The following ZNF736 variants were observed in gnomAD, a reference collection of about 807,000 sequenced individuals.
The protein encoded by ZNF736 is KRAB-containing zinc-finger repressor protein.
A neutral mutation model predicts 11.7 loss-of-function variants in ZNF736; 6 were observed. The observed-to-expected ratio is 0.51, with a 90% CI of 0.28 to 1.01. The LOEUF is 1.01. ZNF736 is among the 50% of genes least tolerant of loss of function. ZNF736 has a pLI of 0.09. For missense variants in ZNF736, 444 were observed against 496.0 expected, an observed-to-expected ratio of 0.90 and a Z score of 1.00; for synonymous variants, 139 against 164.7, an observed-to-expected ratio of 0.84 and a Z score of 1.19.
chr7:64,330,324 T>G (rs1584269193), intron 1 of ZNF736, among the ~76,000 whole-genome samples: 4 of 151,922 alleles, frequency 2.6e-5, no homozygotes, highest in Non-Finnish European at 4.4e-5. Context: ...GCCGGCTAAT[T>G]TTTTTGTATT....
chr7:64,318,845 G>A (rs1788954346), intron 1 of ZNF736, among the ~76,000 whole-genome samples: 1 of 152,112 alleles, frequency 6.6e-6, no homozygotes, highest in Non-Finnish European at 1.5e-5. Flanking sequence ...CATTGTAAAA[G>A]GGAGTAGAGC....
In ZNF736 at chr7:64,348,993, C is replaced by T. The variant is rs772952810; in HGVS notation, c.1130C>T (p.Thr377Ile). 8 of 1,590,644 alleles carry T rather than the reference C, an allele frequency of 5.0e-6. No individual in the cohort carries two copies. The East Asian group carries it at 1.4e-4, about 27-fold the overall frequency. ...RPYKCEECSK[T>I]FKCFSDLTNH... The stretch of plus-strand genomic sequence containing the variant: ...TACAAATGTGAAGAATGCAGCAAAA[C>T]CTTTAAGTGCTTCTCAGACCTGACT... Residue 377 changes from threonine (T) to isoleucine (I), a missense_variant, in exon 4 of 4, where the codon ACC becomes ATC. Physicochemically the swap from Thr to Ile is moderately conservative, Grantham distance 89 (BLOSUM62 -1). Coordinates refer to ENST00000423484, the MANE Select transcript of ZNF736 (RefSeq NM_001170905.3).
intron 3 of ZNF736, 112 bp from the exon 4 acceptor site, chr7:64,347,978 A>G: frequency 1.0e-6 from 1 of 980,202 alleles, no homozygotes; most frequent in Non-Finnish European, 1.4e-6. Context: ...CTATAAGAAT[A>G]TAGAGCCTGT....
At chr7:64,336,177 A>T (rs926239964) in intron 1 of ZNF736, 82 bp from the exon 2 acceptor site, 22 of 1,495,160 alleles carry the variant, frequency 1.5e-5, no homozygotes, top group Non-Finnish European at 1.7e-5. Flanking sequence ...AGTCAGAACC[A>T]GCTATCTTTA....
chr7:64,315,765 A>G (rs1162617593), intron 1 of ZNF736, among the ~76,000 whole-genome samples: 1 of 152,216 alleles, frequency 6.6e-6, no homozygotes, highest in Admixed American at 6.5e-5. Flanking sequence ...GGGACTGTAT[A>G]AAATTCTAAA....
intron 3 of ZNF736, among the ~76,000 whole-genome samples, chr7:64,342,704 T>C (rs945292003): frequency 2.0e-5 from 3 of 152,124 alleles, no homozygotes; most frequent in Admixed American, 6.5e-5. Context: ...TCTGAAGTAA[T>C]GTGCTCAAAT....
intron 1 of ZNF736, among the ~76,000 whole-genome samples, chr7:64,329,613 ATCTC>A (rs760750110): frequency 2.0e-5 from 3 of 151,678 alleles, no homozygotes; most frequent in African/African-American, 4.8e-5. Context: ...AATAAATGGA[ATCTC>A]TCTCTCTCTG....
At chr7:64,337,764 T>TG (rs1789279432) in intron 3 of ZNF736, among the ~76,000 whole-genome samples, 1 of 146,414 alleles carries the variant, frequency 6.8e-6, no homozygotes, top group Admixed American at 6.8e-5. Flanking sequence ...TGGTTTTTTT[T>TG]TTTTTTTGAG....
intron 3 of ZNF736, among the ~76,000 whole-genome samples, chr7:64,341,777 G>T (rs543853936): frequency 7.2e-5 from 11 of 152,126 alleles, no homozygotes; most frequent in Non-Finnish European, 1.5e-4. Context: ...GGTTGTGTTG[G>T]AAAGTCTTTA....
Position 64,336,337 on chromosome 7 carries a change from T to A in ZNF736, c.82T>A (p.Leu28Met). The change falls in exon 2 of 4, where the codon TTG (leucine) becomes ATG (methionine). Residue 28 changes from leucine (L) to methionine (M), a missense_variant. By Grantham distance (15) the Leu-to-Met change is conservative (BLOSUM62 2). Coordinates refer to ENST00000423484, the MANE Select transcript of ZNF736 (RefSeq NM_001170905.3). ...ATGCCTGGACTCTGCTCAGCAGCGTTTGTATAGGGATGTGATGTTAGAGAA... is the reference window on the plus strand; with the variant it reads ...ATGCCTGGACTCTGCTCAGCAGCGTATGTATAGGGATGTGATGTTAGAGAA... Reference protein sequence around the residue: ...WECLDSAQQRLYRDVMLENYG... With the variant: ...WECLDSAQQRMYRDVMLENYG... 3.1e-6 allele frequency: 5 copies of A among 1,613,914 alleles called. No homozygotes were observed. Among genetic ancestry groups the A allele is most frequent in the Non-Finnish European group, 4.2e-6 (5 of 1,179,912 alleles).
At chr7:64,345,245 A>T (rs1168445810) in intron 3 of ZNF736, among the ~76,000 whole-genome samples, 3 of 149,386 alleles carry the variant, frequency 2.0e-5, no homozygotes. Context: ...GATGGTCTCG[A>T]TCTCCTGATC....
intron 3 of ZNF736, among the ~76,000 whole-genome samples, chr7:64,346,372 T>A (rs1162222247): frequency 6.6e-6 from 1 of 152,050 alleles, no homozygotes; most frequent in Non-Finnish European, 1.5e-5. Flanking sequence ...GAAGACATGA[T>A]ATAGTTAGAT....
chr7:64,345,178 C>T (rs556716202), intron 3 of ZNF736, among the ~76,000 whole-genome samples: 47 of 151,486 alleles, frequency 3.1e-4, no homozygotes, highest in Middle Eastern at 6.8e-3. Flanking sequence ...TGCTCGCCAC[C>T]GCGCCTGGCT....
At chr7:64,330,200 A>G (rs1175978148) in intron 1 of ZNF736, among the ~76,000 whole-genome samples, 3 of 151,908 alleles carry the variant, frequency 2.0e-5, no homozygotes, top group Admixed American at 1.3e-4. Context: ...TCTGTAGCCC[A>G]GGCTGGAGTG....
chr7:64,319,333 G>GTGTGTGTA lies in ZNF736; in HGVS notation c.3+5181_3+5182insGTGTGTAT, dbSNP rs1175526690. Among the ~76,000 whole-genome samples the GTGTGTGTA allele has an allele frequency of 7.7e-4, 55 of 71,640 alleles. 3 individuals are homozygous for GTGTGTGTA. The highest frequency in any genetic ancestry group is 1.0e-3 in the Non-Finnish European group (36 of 34,754). 47.0% of individuals were successfully genotyped at this position (71,640 alleles called of 152,430 possible). A position where few individuals can be genotyped will look rare whatever the true frequency, so the allele number is the denominator to read the frequency against. On this transcript the variant is annotated intron_variant, in intron 1 of 3. Coordinates refer to ENST00000423484, the MANE Select transcript of ZNF736 (RefSeq NM_001170905.3). ...TATATGTATGTGTGTGTGTGTATGT[G>GTGTGTGTA]TATATATATATATATATATATATAT... is the stretch of plus-strand genomic sequence containing the variant.
At chr7:64,347,085 T>C (rs1789420942) in intron 3 of ZNF736, among the ~76,000 whole-genome samples, 1 of 152,034 alleles carries the variant, frequency 6.6e-6, no homozygotes, top group Non-Finnish European at 1.5e-5. Context: ...CATGTCAAAA[T>C]CTGTATTAAG....
At chr7:64,318,960 T>C (rs1431708851) in intron 1 of ZNF736, among the ~76,000 whole-genome samples, 2 of 152,168 alleles carry the variant, frequency 1.3e-5, no homozygotes, top group Non-Finnish European at 2.9e-5. Context: ...TTATCTGTGC[T>C]CTTCAAGGGG....
chr7:64,344,259 A>C (rs1488440425), intron 3 of ZNF736, among the ~76,000 whole-genome samples: 1 of 152,220 alleles, frequency 6.6e-6, no homozygotes, highest in East Asian at 1.9e-4. Context: ...CCAAGACGGC[A>C]CCACTGCACT....
At chr7:64,322,205 T>C (rs1789012734) in intron 1 of ZNF736, among the ~76,000 whole-genome samples, 1 of 152,170 alleles carries the variant, frequency 6.6e-6, no homozygotes, top group Middle Eastern at 3.2e-3. Flanking sequence ...TTTCTCCCTC[T>C]TCTTTTTACC....
Sources: gnomAD v4.1 joint callset for allele counts (sites outside exome capture counted in the v4.1 genomes callset) on GRCh38, gnomAD v4.1.1 for gene constraint, MANE v1.5 for transcripts, NCBI Gene and HGNC (gene_info 2026-07-23, HGNC 2026-07-21) for gene names.